The following ZEB1 variants were observed in gnomAD, a reference collection of about 807,000 sequenced individuals.
ZEB1 encodes zinc finger E-box-binding homeobox 1.
In ZEB1, 21 loss-of-function variants were observed where a neutral mutation model predicts 84.9. The observed-to-expected ratio is 0.25, with a 90% CI of 0.18 to 0.36. The LOEUF (loss-of-function observed/expected upper bound fraction) is 0.36. Ranked by LOEUF, ZEB1 falls within the 10% of genes least tolerant of loss-of-function variation. The probability of loss-of-function intolerance (pLI) is 1.00; values close to 1 mark genes in which losing one functional copy is unlikely to be tolerated. For missense variants in ZEB1, 1,104 were observed against 1,330.2 expected, an observed-to-expected ratio of 0.83 and a Z score of 2.65; for synonymous variants, 420 against 471.1, an observed-to-expected ratio of 0.89 and a Z score of 1.41.
chr10:31,448,015 C>T (rs1312096808), intron 1 of ZEB1, among the ~76,000 whole-genome samples: 1 of 150,776 alleles, frequency 6.6e-6, no homozygotes, highest in Non-Finnish European at 1.5e-5. Flanking sequence ...TGTTTTCCAA[C>T]TTGGTTCCAT....
At chr10:31,322,713 T>C (rs1292596045) in intron 1 of ZEB1, among the ~76,000 whole-genome samples, 1 of 151,812 alleles carries the variant, frequency 6.6e-6, no homozygotes, top group Non-Finnish European at 1.5e-5. Flanking sequence ...TCTTTTTCTT[T>C]TTCTGCTTTC....
intron 1 of ZEB1, among the ~76,000 whole-genome samples, chr10:31,410,166 G>GT (rs1277454226): frequency 1.3e-5 from 2 of 152,016 alleles, no homozygotes; most frequent in East Asian, 3.9e-4. Context: ...GGCTGTTACT[G>GT]TTTTGAGTTA....
chr10:31,422,943 T>C (rs1469516177), intron 1 of ZEB1, among the ~76,000 whole-genome samples: 1 of 152,096 alleles, frequency 6.6e-6, no homozygotes, highest in African/African-American at 2.4e-5. Flanking sequence ...GTGCCAGTGT[T>C]AATTTGCTTA....
chr10:31,454,309 T>G (rs1479974636), intron 1 of ZEB1, among the ~76,000 whole-genome samples: 2 of 152,212 alleles, frequency 1.3e-5, no homozygotes, highest in African/African-American at 4.8e-5. Context: ...AATATCTTAC[T>G]GAATGGGTGA....
At chr10:31,377,928 A>G (rs1324683098) in intron 1 of ZEB1, among the ~76,000 whole-genome samples, 3 of 151,728 alleles carry the variant, frequency 2.0e-5, no homozygotes, top group Non-Finnish European at 4.4e-5. Context: ...AGACAGTGTC[A>G]TGAGTTCTCA....
intron 1 of ZEB1, among the ~76,000 whole-genome samples, chr10:31,422,955 G>T (rs1399258733): frequency 6.6e-6 from 1 of 151,946 alleles, no homozygotes; most frequent in African/African-American, 2.4e-5. Context: ...ATTTGCTTAG[G>T]ATGACAGACT....
At chr10:31,486,997 A>G (rs923207946) in intron 2 of ZEB1, among the ~76,000 whole-genome samples, 4 of 151,358 alleles carry the variant, frequency 2.6e-5, no homozygotes, top group East Asian at 1.9e-4. Context: ...AATTGTGCCA[A>G]TACTGCTTGT....
intron 1 of ZEB1, among the ~76,000 whole-genome samples, chr10:31,424,372 T>C (rs1352289733): frequency 6.6e-6 from 1 of 151,986 alleles, no homozygotes; most frequent in Non-Finnish European, 1.5e-5. Flanking sequence ...TGAAACTTAC[T>C]GGGGATGATA....
chr10:31,471,432 G>A (rs1314441584), intron 2 of ZEB1, among the ~76,000 whole-genome samples: 2 of 151,542 alleles, frequency 1.3e-5, no homozygotes, highest in Non-Finnish European at 3.0e-5. Context: ...TGATAAAACA[G>A]ACCTTAAACC....
At chr10:31,414,680 A>T (rs781022701) in intron 1 of ZEB1, among the ~76,000 whole-genome samples, 9 of 152,138 alleles carry the variant, frequency 5.9e-5, no homozygotes, top group Non-Finnish European at 1.0e-4. Context: ...ACCTATGGTA[A>T]CTCATTACAG....
chr10:31,370,133 A>T (rs1422351328), intron 1 of ZEB1, among the ~76,000 whole-genome samples: 1 of 152,158 alleles, frequency 6.6e-6, no homozygotes, highest in Non-Finnish European at 1.5e-5. Context: ...TGATTTGCAG[A>T]TATTTCTTTT....
intron 4 of ZEB1, among the ~76,000 whole-genome samples, chr10:31,508,713 A>G (rs2069419987): frequency 6.6e-6 from 1 of 152,120 alleles, no homozygotes; most frequent in Non-Finnish European, 1.5e-5. Context: ...CCAGGCCACC[A>G]GCAGAGTGCT....
chr10:31,414,809 A>G (rs1184431676), intron 1 of ZEB1, among the ~76,000 whole-genome samples: 1 of 152,132 alleles, frequency 6.6e-6, no homozygotes, highest in African/African-American at 2.4e-5. Flanking sequence ...TCCCTCAGCA[A>G]AGTCAAATTC....
intron 2 of ZEB1, among the ~76,000 whole-genome samples, chr10:31,480,133 A>G (rs970423424): frequency 8.6e-5 from 13 of 152,004 alleles, no homozygotes; most frequent in Non-Finnish European, 1.6e-4. Flanking sequence ...ATGTTTTGCA[A>G]TTGGTGAGTT....
chr10:31,325,094 C>T (rs962311463), intron 1 of ZEB1, among the ~76,000 whole-genome samples: 3 of 151,960 alleles, frequency 2.0e-5, no homozygotes, highest in Non-Finnish European at 2.9e-5. Flanking sequence ...AGGTGGGTTA[C>T]GCTGTTAACT....
In ZEB1 at chr10:31,520,664, A is replaced by G. The variant is rs2072120076; in HGVS notation, c.1332A>G (p.Thr444=). Residue 444 remains threonine (T), a synonymous_variant, in exon 7 of 9, where the codon ACA becomes ACG. Coordinates refer to ENST00000424869, the MANE Select transcript of ZEB1 (RefSeq NM_001174096.2). This position sits in a 1 kb window ranked among gnomAD's most constrained non-coding sequence, Gnocchi z 5.1. ...QANLASKEQE[T]INASPIQQGG... ...ATCTTGCATCCAAAGAACAAGAAAC[A>G]ATCAATGCTTCACCCATACAACAAG... 1 of 1,614,050 alleles carries G rather than the reference A, an allele frequency of 6.2e-7. No homozygotes were observed. Among genetic ancestry groups the G allele is most frequent in the Non-Finnish European group, 8.5e-7 (1 of 1,179,982 alleles).
chr10:31,370,702 T>C (rs975675704), intron 1 of ZEB1, among the ~76,000 whole-genome samples: 27 of 152,168 alleles, frequency 1.8e-4, no homozygotes, highest in Non-Finnish European at 3.8e-4. Context: ...CTAATAAAAT[T>C]GTATCTCTTT....
chr10:31,402,061 A>C (rs931971504), intron 1 of ZEB1, among the ~76,000 whole-genome samples: 12 of 151,902 alleles, frequency 7.9e-5, no homozygotes, highest in Admixed American at 2.0e-4. Flanking sequence ...TTAAAGTTTC[A>C]ACTTCCAGAA....
intron 3 of ZEB1, among the ~76,000 whole-genome samples, chr10:31,500,847 T>G (rs2068018988): frequency 6.6e-6 from 1 of 152,200 alleles, no homozygotes; most frequent in Non-Finnish European, 1.5e-5. Context: ...TTAAAAGTCT[T>G]CGCTTACCTC....
Sources: allele counts gnomAD v4.1 joint callset (sites outside exome capture counted in the v4.1 genomes callset), GRCh38; gene constraint gnomAD v4.1.1; non-coding constraint Gnocchi (gnomAD v3.1); transcripts MANE v1.5; gene names NCBI Gene and HGNC (gene_info 2026-07-23, HGNC 2026-07-21).